The following FAM135B variants were observed in gnomAD, a reference collection of about 807,000 sequenced individuals.
FAM135B encodes the protein family with sequence similarity 135 member B.
FAM135B carries 43 observed loss-of-function variants against 127.7 expected under a neutral mutation model. The observed-to-expected ratio is 0.34, with a 90% CI of 0.26 to 0.43. The LOEUF (loss-of-function observed/expected upper bound fraction) is 0.43. Among genes scored for constraint, FAM135B ranks in the 20% least tolerant of loss-of-function variants. FAM135B has a pLI of 1.00. For synonymous variants in FAM135B, 670 were observed against 665.1 expected (o/e 1.01, Z -0.11); for missense variants, 1,558 against 1,725.6 (o/e 0.90, Z 1.72).
chr8:138,200,194 T>A (rs1358088665), intron 7 of FAM135B, among the ~76,000 whole-genome samples: 3 of 152,242 alleles, frequency 2.0e-5, no homozygotes, highest in Non-Finnish European at 4.4e-5. Flanking sequence ...GCTTGTCAAA[T>A]TCTTTCTGAT....
intron 3 of FAM135B, among the ~76,000 whole-genome samples, chr8:138,273,445 C>G (rs2130692496): frequency 6.6e-6 from 1 of 152,304 alleles, no homozygotes; most frequent in South Asian, 2.1e-4. Context: ...ACCTCGTGAT[C>G]CGCCCACCTT....
chr8:138,239,613 T>C (rs1485636625), intron 7 of FAM135B, among the ~76,000 whole-genome samples: 3 of 152,204 alleles, frequency 2.0e-5, no homozygotes, highest in African/African-American at 4.8e-5. Flanking sequence ...GATCTAGAAC[T>C]AGAAATACCA....
chr8:138,177,472 G>C (rs778665765), intron 10 of FAM135B, 52 bp from the exon 11 acceptor site: 1 of 1,449,968 alleles, frequency 6.9e-7, no homozygotes, highest in Non-Finnish European at 9.4e-7. Context: ...GGTATTACCT[G>C]CACTTTCTTT....
At chr8:138,441,045 G>A (rs1044431432) in intron 1 of FAM135B, 2 of 152,184 alleles carry the variant, frequency 1.3e-5, no homozygotes, top group East Asian at 1.9e-4. Flanking sequence ...TGAAGTCATC[G>A]TAGACCCTCC....
intron 1 of FAM135B, among the ~76,000 whole-genome samples, chr8:138,387,804 T>G (rs1477592331): frequency 1.3e-5 from 2 of 152,104 alleles, no homozygotes; most frequent in African/African-American, 4.8e-5. Flanking sequence ...GTCCCAGTCA[T>G]CTCTCTCCCT....
chr8:138,190,647 GAATT>G (rs1816035429), intron 9 of FAM135B, among the ~76,000 whole-genome samples: 1 of 152,176 alleles, frequency 6.6e-6, no homozygotes, highest in Non-Finnish European at 1.5e-5. Context: ...ATGTGGAAGA[GAATT>G]AACTAAGAGT....
intron 7 of FAM135B, among the ~76,000 whole-genome samples, chr8:138,220,686 A>G (rs16908628): frequency 0.014 from 2,136 of 152,290 alleles, 47 homozygotes; most frequent in African/African-American, 0.049. Flanking sequence ...AACAAAATTG[A>G]AAACGGCTAT....
chr8:138,325,134 A>T (rs1413847916), intron 2 of FAM135B, among the ~76,000 whole-genome samples: 1 of 152,134 alleles, frequency 6.6e-6, no homozygotes, highest in Non-Finnish European at 1.5e-5. Context: ...ATTAAAAAAA[A>T]ATCAGAAAAT....
intron 1 of FAM135B, among the ~76,000 whole-genome samples, chr8:138,430,370 A>C (rs949379801): frequency 6.6e-6 from 1 of 152,192 alleles, no homozygotes; most frequent in Non-Finnish European, 1.5e-5. Context: ...ACATGCATAA[A>C]ATCACCCTGA....
chr8:138,287,640 C>T (rs1444990731), intron 3 of FAM135B, among the ~76,000 whole-genome samples: 1 of 152,052 alleles, frequency 6.6e-6, no homozygotes, highest in East Asian at 1.9e-4. Context: ...ACTGGCTTCC[C>T]CCAAACAGAC....
At chr8:138,454,101 G>A (rs1564015487) in intron 1 of FAM135B, among the ~76,000 whole-genome samples, 1 of 152,018 alleles carries the variant, frequency 6.6e-6, no homozygotes, top group African/African-American at 2.4e-5. Flanking sequence ...GGAGAATAAG[G>A]CAGGTAAAAA....
At chr8:138,154,013 T>C (rs544993634) in intron 12 of FAM135B, among the ~76,000 whole-genome samples, 7 of 152,172 alleles carry the variant, frequency 4.6e-5, no homozygotes, top group Non-Finnish European at 7.4e-5. Context: ...GACCCCCGAG[T>C]AGCCTAACTA....
intron 2 of FAM135B, among the ~76,000 whole-genome samples, chr8:138,348,930 GC>G (rs1829598903): frequency 6.6e-6 from 1 of 152,238 alleles, no homozygotes; most frequent in Non-Finnish European, 1.5e-5. Flanking sequence ...GGATGGGGAA[GC>G]CCAGAGATCT....
At chr8:138,148,471 A>G (rs754764382) in intron 14 of FAM135B, 49 bp downstream of exon 14, 1 of 1,442,302 alleles carries the variant, frequency 6.9e-7, no homozygotes, top group Admixed American at 1.9e-5. Flanking sequence ...AAATATTATA[A>G]GTTGTATATA....
At chr8:138,295,102 CTTTTTTTTTTTTTTTTTTTT>C (rs527258472) in intron 3 of FAM135B, among the ~76,000 whole-genome samples, 1 of 82,196 alleles carries the variant, frequency 1.2e-5, no homozygotes, top group South Asian at 5.5e-4. Context: ...CTTGCTGGTG[CTTTTTTTTTTTTTTTTTTTT>C]TTTTTTTTGG....
At chr8:138,228,551 G>A (rs1268130286) in intron 7 of FAM135B, among the ~76,000 whole-genome samples, 2 of 152,154 alleles carry the variant, frequency 1.3e-5, no homozygotes, top group African/African-American at 4.8e-5. Flanking sequence ...GAGCTTGAGA[G>A]ACATATGTTG....
rs183542255 is a variant in FAM135B, at chr8:138,466,332, C to T, written c.-20+30339G>A. Among the ~76,000 whole-genome samples, 9 of 152,190 alleles carry T rather than the reference C, an allele frequency of 5.9e-5. No individual in the cohort carries two copies. The East Asian group carries it at 1.7e-3, about 29-fold the overall frequency. Reference sequence around the variant, plus strand: ...AGTTAAAGAGAGTGGGTCAGAATCTCGGTCAGGAGAGAGAAGTAGGTCAGT... The same window carrying T: ...AGTTAAAGAGAGTGGGTCAGAATCTTGGTCAGGAGAGAGAAGTAGGTCAGT... On this transcript the variant is annotated intron_variant, in intron 1 of 19. Transcript: ENST00000395297.
At chr8:138,475,922 G>A (rs1814404344) in intron 1 of FAM135B, among the ~76,000 whole-genome samples, 1 of 152,160 alleles carries the variant, frequency 6.6e-6, no homozygotes, top group Non-Finnish European at 1.5e-5. Context: ...AATGTTTATA[G>A]TAGCTTTATT....
intron 9 of FAM135B, among the ~76,000 whole-genome samples, chr8:138,194,113 T>C (rs1483807500): frequency 2.0e-5 from 3 of 152,192 alleles, no homozygotes; most frequent in Admixed American, 1.3e-4. Context: ...CAGTGGCCTT[T>C]ACACACTCTC....
Sources: allele counts gnomAD v4.1 joint callset (sites outside exome capture counted in the v4.1 genomes callset), GRCh38; gene constraint gnomAD v4.1.1; transcripts MANE v1.5; gene names NCBI Gene and HGNC (gene_info 2026-07-23, HGNC 2026-07-21).